PLXDC2: variants seen among roughly 807,000 people sequenced by gnomAD.
The protein encoded by PLXDC2 is plexin domain containing 2.
In PLXDC2, 40 loss-of-function variants were observed where a neutral mutation model predicts 68.9. The observed-to-expected ratio is 0.58, with a 90% CI of 0.45 to 0.76. The LOEUF (loss-of-function observed/expected upper bound fraction) is 0.76, where lower values mean the gene tolerates loss of function less well. Ranked by LOEUF, PLXDC2 falls within the 30% of genes least tolerant of loss-of-function variation. The pLI is 0.00. For missense variants in PLXDC2, 644 were observed against 661.9 expected, an observed-to-expected ratio of 0.97 and a Z score of 0.30; for synonymous variants, 243 against 234.2, an observed-to-expected ratio of 1.04 and a Z score of -0.34.
intron 3 of PLXDC2, among the ~76,000 whole-genome samples, chr10:20,063,172 T>A (rs963825861): frequency 2.6e-5 from 4 of 152,210 alleles, no homozygotes; most frequent in African/African-American, 9.6e-5. Context: ...CAATTCATTC[T>A]TGAATAAGTG....
intron 1 of PLXDC2, among the ~76,000 whole-genome samples, chr10:19,821,712 C>G (rs1013327314): frequency 2.0e-5 from 3 of 152,192 alleles, no homozygotes; most frequent in Non-Finnish European, 4.4e-5. Context: ...TTGTCCATCC[C>G]TAGGATAGAA....
At chr10:19,914,127 G>GAAGGAAGGA (rs1461842297) in intron 1 of PLXDC2, among the ~76,000 whole-genome samples, 52 of 150,202 alleles carry the variant, frequency 3.5e-4, no homozygotes, top group African/African-American at 1.2e-3. Flanking sequence ...GGGAGGTAGG[G>GAAGGAAGGA]AGGAAGGAAA....
chr10:20,177,322 C>T lies in PLXDC2; in HGVS notation c.980-6C>T. 6.3e-7 allele frequency: 1 copy of T among 1,593,136 alleles called. No individual in the cohort carries two copies. Among genetic ancestry groups the T allele is most frequent in the Non-Finnish European group, 8.6e-7 (1 of 1,161,276 alleles). On this transcript the variant is annotated splice_region_variant and splice_polypyrimidine_tract_variant and intron_variant, in intron 8 of 13. Transcript: ENST00000377252. ...CTTGGTGAATCTGTTCTTTCCTCTTCCCTAGCATGCCTCCAGTTTAACAGA... is the reference window on the plus strand; with the variant it reads ...CTTGGTGAATCTGTTCTTTCCTCTTTCCTAGCATGCCTCCAGTTTAACAGA...
chr10:19,920,249 T>G (rs146771270), intron 1 of PLXDC2, among the ~76,000 whole-genome samples: 2 of 152,250 alleles, frequency 1.3e-5, no homozygotes, highest in African/African-American at 4.8e-5. Flanking sequence ...AAGGAACTGC[T>G]GAGCAGAGGA....
chr10:20,216,300 C>T (rs1479952462), intron 10 of PLXDC2, among the ~76,000 whole-genome samples: 3 of 152,116 alleles, frequency 2.0e-5, no homozygotes, highest in African/African-American at 4.8e-5. Flanking sequence ...CTTATGATTT[C>T]AGATCTAAAA....
chr10:19,910,758 C>T (rs1833255517), intron 1 of PLXDC2, among the ~76,000 whole-genome samples: 1 of 152,000 alleles, frequency 6.6e-6, no homozygotes, highest in African/African-American at 2.4e-5. Flanking sequence ...CACCTGTAAT[C>T]CCAGCACTTT....
At chr10:19,818,134 G>A (rs1836390844) in intron 1 of PLXDC2, among the ~76,000 whole-genome samples, 1 of 151,850 alleles carries the variant, frequency 6.6e-6, no homozygotes, top group Non-Finnish European at 1.5e-5. Flanking sequence ...GGTGAAACGA[G>A]AGAAAAAGAA....
chr10:19,938,048 A>G lies in PLXDC2; in HGVS notation c.113-63727A>G, dbSNP rs73603675. Among the ~76,000 whole-genome samples, 648 of 152,156 alleles carry G rather than the reference A, an allele frequency of 4.3e-3. 2 individuals carry two copies. Among genetic ancestry groups the G allele is most frequent in the African/African-American group, 0.015 (620 of 41,516 alleles). On this transcript the variant is annotated intron_variant, in intron 1 of 13. Transcript: ENST00000377252. ...GTGGTTATAAAAACTCATAACCTCT[A>G]TTTGCTTGGTGGCATCGCTAGCCCT...
chr10:19,897,322 C>A (rs1470452206), intron 1 of PLXDC2, among the ~76,000 whole-genome samples: 1 of 151,968 alleles, frequency 6.6e-6, no homozygotes, highest in African/African-American at 2.4e-5. Flanking sequence ...TCACCGCAAC[C>A]TCCGCCTCCC....
rs141058043 is a variant in PLXDC2, at chr10:20,233,844, A to C, written c.1313-11501A>C. On this transcript the variant is annotated intron_variant, in intron 12 of 13. Coordinates refer to ENST00000377252, the MANE Select transcript of PLXDC2 (RefSeq NM_032812.9). ...TTATTTATTTTTTTTAGAGGCAGGC[A>C]TGGTCTAACTCTGTCACCCAGGCTA... is the stretch of plus-strand genomic sequence containing the variant. 7.0e-4 allele frequency among the ~76,000 whole-genome samples: 106 copies of C among 152,188 alleles called. 1 individual carries two copies. In the East Asian group the frequency reaches 0.015, roughly 22 times the overall value.
intron 2 of PLXDC2, among the ~76,000 whole-genome samples, chr10:20,044,556 C>T (rs1413319507): frequency 2.0e-5 from 3 of 151,944 alleles, no homozygotes; most frequent in East Asian, 3.9e-4. Context: ...GTGATCCACC[C>T]GCCTCGGCCT....
At chr10:20,165,939 G>A (rs1347405842) in intron 7 of PLXDC2, among the ~76,000 whole-genome samples, 1 of 152,122 alleles carries the variant, frequency 6.6e-6, no homozygotes, top group Non-Finnish European at 1.5e-5. Flanking sequence ...GTCATAGTAC[G>A]TGAAGTTGGG....
At chr10:19,848,212 G>T (rs867235338) in intron 1 of PLXDC2, among the ~76,000 whole-genome samples, 9 of 152,198 alleles carry the variant, frequency 5.9e-5, no homozygotes, top group Non-Finnish European at 1.0e-4. Context: ...CCTAGAAGAT[G>T]GCCGCTATGA....
rs148566256 is a variant in PLXDC2, at chr10:20,177,014, C to A, written c.899C>A (p.Thr300Lys). 3.1e-6 allele frequency: 5 copies of A among 1,602,284 alleles called. No homozygotes were observed. The highest frequency in any genetic ancestry group is 1.7e-5 in the Admixed American group (1 of 58,170). The change falls in exon 8 of 14, where the codon ACA becomes AAA. Residue 300 changes from threonine to lysine, a missense_variant. This residue lies in a region of PLXDC2 where 330 missense variants were observed against 327.9 expected (regional missense o/e 1.01). Transcript: ENST00000377252. ...TTTTTTCTAGATGTTCGAAGAAGAA[C>A]AATTTATGAATACCACCGAGTAGAG... ...IQQIPNVRRR[T>K]IYEYHRVELQ... is the part of the protein sequence containing the mutation.
intron 1 of PLXDC2, among the ~76,000 whole-genome samples, chr10:19,896,372 G>T (rs1733902527): frequency 6.6e-6 from 1 of 152,202 alleles, no homozygotes; most frequent in Admixed American, 6.5e-5. Context: ...GAGCTAGGTT[G>T]CATTTTGGCT....
chr10:19,822,342 C>T (rs2131995385), intron 1 of PLXDC2, among the ~76,000 whole-genome samples: 1 of 151,092 alleles, frequency 6.6e-6, no homozygotes, highest in East Asian at 1.9e-4. Flanking sequence ...ACTACATATG[C>T]AATGTATGTG....
chr10:19,890,113 A>T (rs1457845115), intron 1 of PLXDC2, among the ~76,000 whole-genome samples: 1 of 152,180 alleles, frequency 6.6e-6, no homozygotes, highest in Non-Finnish European at 1.5e-5. Flanking sequence ...GCTGTGAGTG[A>T]AGGACAGGTA....
intron 1 of PLXDC2, among the ~76,000 whole-genome samples, chr10:19,943,395 A>T (rs1357180833): frequency 6.6e-6 from 1 of 152,234 alleles, no homozygotes; most frequent in Non-Finnish European, 1.5e-5. Flanking sequence ...CTTCTAATGT[A>T]AGGAGTTTTA....
chr10:19,982,968 T>C (rs1165041704), intron 1 of PLXDC2, among the ~76,000 whole-genome samples: 6 of 152,222 alleles, frequency 3.9e-5, no homozygotes, highest in Non-Finnish European at 8.8e-5. Flanking sequence ...AATTTCATTT[T>C]AGTACTTCAT....
Sources: allele counts gnomAD v4.1 joint callset (sites outside exome capture counted in the v4.1 genomes callset), GRCh38; gene constraint gnomAD v4.1.1; regional missense constraint gnomAD v4.1.1; transcripts MANE v1.5; gene names NCBI Gene and HGNC (gene_info 2026-07-23, HGNC 2026-07-21).